SNX4: variants seen among roughly 807,000 people sequenced by gnomAD.
SNX4 encodes sorting nexin-4.
In SNX4, 49 loss-of-function variants were observed where a neutral mutation model predicts 70.8. That is an observed-to-expected ratio of 0.69 (90% CI 0.55 to 0.88). The LOEUF is 0.88. SNX4 is among the 40% of genes least tolerant of loss of function. The pLI is 0.00. For synonymous variants in SNX4, 206 were observed against 183.8 expected, an observed-to-expected ratio of 1.12 and a Z score of -0.98; for missense variants, 528 against 544.8, an observed-to-expected ratio of 0.97 and a Z score of 0.31.
intron 9 of SNX4, among the ~76,000 whole-genome samples, chr3:125,462,087 AC>A (rs1933898071): frequency 6.6e-6 from 1 of 152,166 alleles, no homozygotes; most frequent in South Asian, 2.1e-4. Flanking sequence ...TCCAAACCAT[AC>A]AAGCACATGT....
chr3:125,464,864 C>T (rs1046401213), intron 9 of SNX4, among the ~76,000 whole-genome samples: 6 of 152,054 alleles, frequency 3.9e-5, no homozygotes, highest in African/African-American at 1.4e-4. Flanking sequence ...CCTGCCTCAG[C>T]TTCCTGAGTA....
rs745747650 is a variant in SNX4, at chr3:125,497,922, C to T, written c.461G>A (p.Arg154Gln). The T allele has an allele frequency of 3.1e-6, 5 of 1,614,160 alleles. No homozygotes were observed. Among genetic ancestry groups the T allele is most frequent in the Non-Finnish European group, 4.2e-6 (5 of 1,180,028 alleles). ...GAGAAAGTTTTCTAAACCAATCCGT[C>T]GCCTCTCCACAAAATCTGGATCCAT... is the stretch of plus-strand genomic sequence containing the variant. ...DNMDPDFVER[R>Q]RIGLENFLLR... Residue 154 changes from arginine to glutamine, a missense_variant, in exon 4 of 14, where the codon CGA becomes CAA. This residue lies in a region of SNX4 where 341 missense variants were observed against 312.2 expected (regional missense o/e 1.09). Coordinates refer to ENST00000251775, the MANE Select transcript of SNX4 (RefSeq NM_003794.4).
intron 2 of SNX4, among the ~76,000 whole-genome samples, 178 bp from the exon 3 acceptor site, chr3:125,498,372 T>C (rs778096212): frequency 6.6e-6 from 1 of 152,192 alleles, no homozygotes; most frequent in African/African-American, 2.4e-5. Context: ...CAGGTTGGAG[T>C]GCAGTGGTGC....
At chr3:125,465,100 TCA>T (rs1933976759) in intron 9 of SNX4, among the ~76,000 whole-genome samples, 1 of 152,056 alleles carries the variant, frequency 6.6e-6, no homozygotes, top group Non-Finnish European at 1.5e-5. Flanking sequence ...CAGGCTGATC[TCA>T]AACTCCTGGA....
At chr3:125,480,591 T>C (rs1934388159) in intron 6 of SNX4, among the ~76,000 whole-genome samples, 1 of 152,180 alleles carries the variant, frequency 6.6e-6, no homozygotes, top group South Asian at 2.1e-4. Context: ...AAAAACTACT[T>C]TGAAAATACA....
rs1160019430 is a variant in SNX4 at position 125,447,627 on chromosome 3, C to T, written c.*152G>A. On this transcript the variant is annotated 3_prime_UTR_variant, in exon 14 of 14. Coordinates refer to ENST00000251775, the MANE Select transcript of SNX4 (RefSeq NM_003794.4). ...TCATTAAAATATATTTTTTGTGCTA[C>T]ATTAACACGACCACAATTAAGTTAA... 3 of 538,928 alleles carry T rather than the reference C, an allele frequency of 5.6e-6. No individual in the cohort carries two copies. The highest frequency in any genetic ancestry group is 6.4e-6 in the Non-Finnish European group (2 of 311,128). 33.4% of individuals were successfully genotyped at this position (538,928 alleles called of 1,614,324 possible).
intron 5 of SNX4, among the ~76,000 whole-genome samples, chr3:125,494,466 A>G (rs1156327993): frequency 1.3e-5 from 2 of 152,192 alleles, no homozygotes; most frequent in East Asian, 1.9e-4. Context: ...AAATAAACAT[A>G]GTATAATTAT....
intron 10 of SNX4, among the ~76,000 whole-genome samples, chr3:125,459,030 C>T (rs1472106886): frequency 6.6e-6 from 1 of 151,388 alleles, no homozygotes; most frequent in African/African-American, 2.4e-5. Flanking sequence ...AAAAATTAGC[C>T]GGGCATGGTG....
At chr3:125,480,181 C>A in intron 7 of SNX4, 66 bp downstream of exon 7, 2 of 1,003,470 alleles carry the variant, frequency 2.0e-6, no homozygotes, top group Non-Finnish European at 2.9e-6. Flanking sequence ...TACTTGAAAA[C>A]AGAATGATTA....
intron 4 of SNX4, 92 bp from the exon 5 acceptor site, chr3:125,497,480 A>T (rs979600220): frequency 1.1e-6 from 1 of 875,018 alleles, no homozygotes; most frequent in African/African-American, 1.7e-5. Flanking sequence ...TTCTTACTTC[A>T]GCAGGAATTG....
intron 9 of SNX4, among the ~76,000 whole-genome samples, chr3:125,468,554 A>T (rs993304439): frequency 1.3e-5 from 2 of 151,282 alleles, no homozygotes; most frequent in African/African-American, 4.8e-5. Flanking sequence ...AAAAAAAAAA[A>T]TTTAATTCAA....
chr3:125,472,903 A>G (rs1029161270), intron 8 of SNX4, among the ~76,000 whole-genome samples: 1 of 151,832 alleles, frequency 6.6e-6, no homozygotes, highest in African/African-American at 2.4e-5. Context: ...TCCCTTGTCC[A>G]TGCTCCTATC....
chr3:125,514,219 A>G (rs1935226086), intron 1 of SNX4, among the ~76,000 whole-genome samples: 1 of 152,136 alleles, frequency 6.6e-6, no homozygotes, highest in Non-Finnish European at 1.5e-5. Flanking sequence ...GTTATAACAT[A>G]TGACCAGTTC....
rs58479286 is a variant in SNX4, at chr3:125,499,099, T to C, written c.264-905A>G. ...CTTACTTTTAATTATAAAGGGCTGG[T>C]AGGCAATGCCATGTCTCATACATAC... On this transcript the variant is annotated intron_variant, in intron 2 of 13. Coordinates refer to ENST00000251775, the MANE Select transcript of SNX4 (RefSeq NM_003794.4). Among the ~76,000 whole-genome samples, 1,099 of 152,348 alleles carry C rather than the reference T, an allele frequency of 7.2e-3. 7 individuals carry two copies. The highest frequency in any genetic ancestry group is 0.021 in the African/African-American group (893 of 41,592).
At chr3:125,459,561 C>T (rs1411903904) in intron 10 of SNX4, among the ~76,000 whole-genome samples, 2 of 152,116 alleles carry the variant, frequency 1.3e-5, no homozygotes, top group African/African-American at 4.8e-5. Context: ...CTCAGCCTCT[C>T]CAGCAGCTGG....
chr3:125,485,733 A>G (rs17331632), intron 6 of SNX4, among the ~76,000 whole-genome samples: 29,013 of 152,182 alleles, frequency 0.19, 2,759 homozygotes, highest in Admixed American at 0.24. Context: ...AAGCCCTGAA[A>G]GAAAAGAAAC....
rs368028019 is a variant in SNX4, at chr3:125,492,331, A to C, written c.598-2868T>G. The stretch of plus-strand genomic sequence containing the variant: ...TCACTGCAGGTTTCTTATCATCACT[A>C]ATGTCTCAGCTCAAATGTAAGCTTT... On this transcript the variant is annotated intron_variant, in intron 5 of 13. Transcript: ENST00000251775. Among the ~76,000 whole-genome samples the C allele has an allele frequency of 1.5e-4, 23 of 151,998 alleles. 1 individual carries two copies. In the South Asian group the frequency reaches 2.7e-3, roughly 18 times the overall value.
intron 6 of SNX4, among the ~76,000 whole-genome samples, chr3:125,481,558 C>T (rs1218654713): frequency 6.6e-6 from 1 of 151,304 alleles, no homozygotes; most frequent in African/African-American, 2.4e-5. Context: ...AAGCAGTTTT[C>T]CCGCCTTAGC....
rs138239312 is a variant in SNX4, at chr3:125,519,821, C to T, written c.141+211G>A. Reference sequence around the variant, plus strand: ...TCCCTCAGTCACCCGCAGCGCCTGGCGCTCGCCCCACACCCAGCACCCTGT... The same window carrying T: ...TCCCTCAGTCACCCGCAGCGCCTGGTGCTCGCCCCACACCCAGCACCCTGT... On this transcript the variant is annotated intron_variant, in intron 1 of 13. Transcript: ENST00000251775. 8.5e-5 allele frequency among the ~76,000 whole-genome samples: 13 copies of T among 152,218 alleles called. No individual in the cohort carries two copies. In the East Asian group the frequency reaches 2.5e-3, roughly 29 times the overall value.
Sources: allele counts gnomAD v4.1 joint callset (sites outside exome capture counted in the v4.1 genomes callset), GRCh38; gene constraint gnomAD v4.1.1; regional missense constraint gnomAD v4.1.1; transcripts MANE v1.5; gene names NCBI Gene and HGNC (gene_info 2026-07-23, HGNC 2026-07-21).